Variants in PTK2B observed in about 807,000 individuals in gnomAD.
PTK2B encodes protein tyrosine kinase 2 beta, also known as protein-tyrosine kinase 2-beta.
Under a neutral mutation model 142.9 loss-of-function variants are expected in PTK2B, and 71 were observed. The observed-to-expected ratio is 0.50, with a 90% confidence interval of 0.41 to 0.61. PTK2B has a LOEUF of 0.61. Among genes scored for constraint, PTK2B ranks in the 20% least tolerant of loss-of-function variants. The probability of loss-of-function intolerance (pLI) is 0.00; values close to 1 mark genes in which losing one functional copy is unlikely to be tolerated. For missense variants in PTK2B, 1,105 were observed against 1,320.4 expected, an observed-to-expected ratio of 0.84 and a Z score of 2.53; for synonymous variants, 519 against 503.4, an observed-to-expected ratio of 1.03 and a Z score of -0.42.
rs576763521 is a variant in PTK2B, at chr8:27,403,265, C to T, written c.204+5477C>T. Among the ~76,000 whole-genome samples, 193 of 152,356 alleles carry T rather than the reference C, an allele frequency of 1.3e-3. 2 individuals carry two copies. The highest frequency in any genetic ancestry group is 2.3e-3 in the Non-Finnish European group (158 of 68,032). On this transcript the variant is annotated intron_variant, in intron 2 of 30. Transcript: ENST00000346049. Reference sequence around the variant, plus strand: ...CACTTCTGAGATCCTGACACCCCCACATAGGAGTGTCTGATCAAATGGAAG... The same window carrying T: ...CACTTCTGAGATCCTGACACCCCCATATAGGAGTGTCTGATCAAATGGAAG...
intron 5 of PTK2B, among the ~76,000 whole-genome samples, chr8:27,426,170 C>T (rs1273159194): frequency 6.6e-6 from 1 of 152,232 alleles, no homozygotes; most frequent in Non-Finnish European, 1.5e-5. Context: ...ACACAGCTTG[C>T]TTTGCTTCAA....
intron 22 of PTK2B, 102 bp from the exon 23 acceptor site, chr8:27,444,104 T>A (rs1586342834): frequency 8.0e-7 from 1 of 1,247,950 alleles, no homozygotes; most frequent in East Asian, 2.4e-5. Context: ...TTTCCTTCCT[T>A]TGGAACAAGC....
intron 1 of PTK2B, among the ~76,000 whole-genome samples, chr8:27,333,955 T>C (rs1803907967): frequency 6.6e-6 from 1 of 152,054 alleles, no homozygotes; most frequent in African/African-American, 2.4e-5. Flanking sequence ...ACTCCTCCTT[T>C]TCTCACGCCA....
At chr8:27,387,371 A>G (rs537667428) in intron 1 of PTK2B, among the ~76,000 whole-genome samples, 1 of 152,298 alleles carries the variant, frequency 6.6e-6, no homozygotes, top group East Asian at 1.9e-4. Flanking sequence ...TCAGCATGTG[A>G]TATGCAAATG....
chr8:27,375,338 A>G (rs961738104), intron 1 of PTK2B, among the ~76,000 whole-genome samples: 6 of 152,166 alleles, frequency 3.9e-5, no homozygotes, highest in Non-Finnish European at 7.4e-5. Context: ...GCCTGGGATG[A>G]GGAGACCTCA....
At position 27,363,572 on chromosome 8, in the gene PTK2B, C is replaced by T. The variant is rs766682578; in HGVS notation, c.-37-33976C>T. 1.3e-5 allele frequency among the ~76,000 whole-genome samples: 2 copies of T among 152,102 alleles called. No homozygotes were observed. The highest frequency in any genetic ancestry group is 6.5e-5 in the Admixed American group (1 of 15,282). On this transcript the variant is annotated intron_variant, in intron 1 of 30. Coordinates refer to ENST00000346049, the MANE Select transcript of PTK2B (RefSeq NM_173176.3). This position sits in a 1 kb window ranked among gnomAD's most constrained non-coding sequence, Gnocchi z 4.3. ...TGGTCTGGGATGCAGGGAATGGACTCTGACTGCTCTTGCTGCTCTGAGCCT... is the reference window on the plus strand; with the variant it reads ...TGGTCTGGGATGCAGGGAATGGACTTTGACTGCTCTTGCTGCTCTGAGCCT...
intron 8 of PTK2B, 100 bp from the exon 9 acceptor site, chr8:27,431,298 G>T: frequency 6.3e-7 from 1 of 1,590,638 alleles, no homozygotes; most frequent in Non-Finnish European, 8.6e-7. Context: ...GGAGACCCAG[G>T]AAACAGTGGC....
intron 2 of PTK2B, among the ~76,000 whole-genome samples, chr8:27,414,577 A>G (rs1809270870): frequency 4.2e-5 from 1 of 23,616 alleles, no homozygotes. Context: ...CCTTTCCATA[A>G]ATGAAGCTCA....
chr8:27,443,874 G>A (rs1237181600), intron 22 of PTK2B, among the ~76,000 whole-genome samples: 3 of 152,158 alleles, frequency 2.0e-5, no homozygotes, highest in African/African-American at 7.2e-5. Context: ...CAAGCCCCTG[G>A]TGAGCTCCTA....
intron 1 of PTK2B, among the ~76,000 whole-genome samples, chr8:27,359,485 G>T (rs893488691): frequency 6.6e-6 from 1 of 152,112 alleles, no homozygotes; most frequent in African/African-American, 2.4e-5. Flanking sequence ...AATCTATAAC[G>T]TGCATCTGCT....
intron 27 of PTK2B, chr8:27,451,860 C>A: frequency 2.2e-6 from 2 of 893,430 alleles, no homozygotes; most frequent in Middle Eastern, 4.5e-4. Flanking sequence ...GTGCCACCTG[C>A]CTGTCCCAGT....
At chr8:27,391,863 T>G (rs543839398) in intron 1 of PTK2B, among the ~76,000 whole-genome samples, 1 of 152,330 alleles carries the variant, frequency 6.6e-6, no homozygotes, top group South Asian at 2.1e-4. Flanking sequence ...TCTTTGACTT[T>G]GATTGTGGCA....
chr8:27,418,885 A>G (rs1040265225), intron 2 of PTK2B, among the ~76,000 whole-genome samples: 5 of 152,146 alleles, frequency 3.3e-5, no homozygotes, highest in African/African-American at 4.8e-5. Context: ...AAAATTATCC[A>G]GGCGTGGTGG....
intron 1 of PTK2B, among the ~76,000 whole-genome samples, chr8:27,335,113 T>G (rs1803980557): frequency 6.6e-6 from 1 of 152,160 alleles, no homozygotes; most frequent in African/African-American, 2.4e-5. Context: ...AGATTGACAG[T>G]TTTTAGTAAC....
At chr8:27,423,574 G>T (rs768655491) in intron 5 of PTK2B, among the ~76,000 whole-genome samples, 3 of 152,112 alleles carry the variant, frequency 2.0e-5, no homozygotes, top group Non-Finnish European at 4.4e-5. Context: ...CAAGGAAATC[G>T]TTGGCCAAGG....
chr8:27,428,623 C>T (rs1403294140), intron 5 of PTK2B, among the ~76,000 whole-genome samples: 2 of 152,152 alleles, frequency 1.3e-5, no homozygotes, highest in Admixed American at 6.5e-5. Flanking sequence ...GGTGGACTTC[C>T]TGTGCATTGA....
chr8:27,361,696 C>G (rs1039904702), intron 1 of PTK2B, among the ~76,000 whole-genome samples: 2 of 152,142 alleles, frequency 1.3e-5, no homozygotes, highest in Non-Finnish European at 2.9e-5. Context: ...CCTTCTCTTT[C>G]TGGTATCCCA....
chr8:27,347,295 A>G (rs1387910493), intron 1 of PTK2B, among the ~76,000 whole-genome samples: 1 of 151,682 alleles, frequency 6.6e-6, no homozygotes, highest in African/African-American at 2.4e-5. Flanking sequence ...CAGGAGAATC[A>G]CTTGAATCCA....
At chr8:27,369,972 A>G (rs1806251056) in intron 1 of PTK2B, among the ~76,000 whole-genome samples, 1 of 152,098 alleles carries the variant, frequency 6.6e-6, no homozygotes, top group South Asian at 2.1e-4. Context: ...GTGAGACTCC[A>G]TCTCAAAAAA....
Sources: allele counts gnomAD v4.1 joint callset (sites outside exome capture counted in the v4.1 genomes callset), GRCh38; gene constraint gnomAD v4.1.1; non-coding constraint Gnocchi (gnomAD v3.1); transcripts MANE v1.5; gene names NCBI Gene and HGNC (gene_info 2026-07-23, HGNC 2026-07-21).